The following CNTN1 variants were observed in gnomAD, a reference collection of about 807,000 sequenced individuals.
CNTN1 encodes contactin 1, also known as contactin-1.
CNTN1 carries 38 observed loss-of-function variants against 126.4 expected under a neutral mutation model. That is an observed-to-expected ratio of 0.30 (90% CI 0.23 to 0.39). CNTN1 has a LOEUF of 0.39. CNTN1 is among the 10% of genes least tolerant of loss of function. The probability of loss-of-function intolerance (pLI) is 1.00; values close to 1 mark genes in which losing one functional copy is unlikely to be tolerated. For missense variants in CNTN1, 1,009 were observed against 1,248.4 expected (o/e 0.81, Z 2.89); for synonymous variants, 413 against 422.6 (o/e 0.98, Z 0.28).
chr12:40,931,927 T>C (rs1945900645), intron 7 of CNTN1, among the ~76,000 whole-genome samples: 1 of 151,954 alleles, frequency 6.6e-6, no homozygotes, highest in South Asian at 2.1e-4. Flanking sequence ...AATTTATATT[T>C]ACTGTTTCCT....
At chr12:40,788,895 G>A (rs1178490132) in intron 1 of CNTN1, among the ~76,000 whole-genome samples, 1 of 152,052 alleles carries the variant, frequency 6.6e-6, no homozygotes, top group Admixed American at 6.6e-5. Flanking sequence ...CCGCTACATA[G>A]TAGACACTTT....
At chr12:40,785,929 C>T (rs1465161432) in intron 1 of CNTN1, among the ~76,000 whole-genome samples, 2 of 152,094 alleles carry the variant, frequency 1.3e-5, no homozygotes, top group East Asian at 3.9e-4. Flanking sequence ...ATCACCTTGA[C>T]CTGGCCTCAC....
intron 23 of CNTN1, among the ~76,000 whole-genome samples, chr12:41,064,248 A>G (rs962763011): frequency 2.0e-5 from 3 of 151,670 alleles, no homozygotes; most frequent in Non-Finnish European, 4.4e-5. Context: ...TGGAAGATGC[A>G]GGCATTCAAT....
At chr12:40,727,939 T>C (rs1353953034) in intron 1 of CNTN1, among the ~76,000 whole-genome samples, 1 of 152,186 alleles carries the variant, frequency 6.6e-6, no homozygotes, top group African/African-American at 2.4e-5. Flanking sequence ...CAAATGACCC[T>C]GTAGAGGTGT....
At chr12:40,979,445 A>G (rs141608566) in intron 15 of CNTN1, among the ~76,000 whole-genome samples, 180 of 152,276 alleles carry the variant, frequency 1.2e-3, no homozygotes, top group African/African-American at 4.1e-3. Context: ...ATATAAAGGT[A>G]TATATTTCAG....
chr12:40,773,330 C>T (rs1939420871), intron 1 of CNTN1, among the ~76,000 whole-genome samples: 2 of 151,672 alleles, frequency 1.3e-5, no homozygotes, highest in South Asian at 2.1e-4. Flanking sequence ...ATAGTTAAGT[C>T]GTTTTAGTTT....
chr12:40,805,109 T>C (rs759688126), intron 1 of CNTN1, among the ~76,000 whole-genome samples: 2 of 152,094 alleles, frequency 1.3e-5, no homozygotes, highest in Non-Finnish European at 2.9e-5. Context: ...TTCGTCAGTG[T>C]GACTGTGATG....
At chr12:40,792,965 A>G (rs1940274733) in intron 1 of CNTN1, among the ~76,000 whole-genome samples, 2 of 152,080 alleles carry the variant, frequency 1.3e-5, no homozygotes, top group South Asian at 4.1e-4. Context: ...GGAGATTTGC[A>G]TTTGTAGGGA....
chr12:41,004,870 T>G (rs1948452599), intron 17 of CNTN1, among the ~76,000 whole-genome samples: 1 of 152,242 alleles, frequency 6.6e-6, no homozygotes, highest in African/African-American at 2.4e-5. Flanking sequence ...CCAATGGGTC[T>G]TGGTTCTTTA....
At chr12:40,842,365 G>A (rs905176505) in intron 1 of CNTN1, among the ~76,000 whole-genome samples, 5 of 151,842 alleles carry the variant, frequency 3.3e-5, no homozygotes, top group Admixed American at 6.6e-5. Context: ...AATAATTTAC[G>A]GTATACTTCA....
chr12:40,889,805 A>G (rs1944178540), intron 1 of CNTN1, among the ~76,000 whole-genome samples: 1 of 152,194 alleles, frequency 6.6e-6, no homozygotes, highest in African/African-American at 2.4e-5. Context: ...TGAAGATGTT[A>G]GGGGACAGGT....
At position 40,767,304 on chromosome 12, in the gene CNTN1, C is replaced by CTTTTTTTTTT. The variant is rs10639318; in HGVS notation, c.-77+74725_-77+74734dup. On this transcript the variant is annotated intron_variant, in intron 1 of 23. Coordinates refer to ENST00000551295, the MANE Select transcript of CNTN1 (RefSeq NM_001843.4). ...ATTATCTTATTTCTGCTGACCTTTC[C>CTTTTTTTTTT]TTTTTTTTTTTTTTTTTTTTTTGAG... Among the ~76,000 whole-genome samples the CTTTTTTTTTT allele has an allele frequency of 4.3e-4, 39 of 89,722 alleles. 1 individual carries two copies. Among genetic ancestry groups the CTTTTTTTTTT allele is most frequent in the Admixed American group, 8.1e-4 (5 of 6,158 alleles). 58.9% of individuals were successfully genotyped at this position (89,722 alleles called of 152,430 possible).
chr12:40,821,278 G>A (rs1055403823), intron 1 of CNTN1, among the ~76,000 whole-genome samples: 1 of 152,184 alleles, frequency 6.6e-6, no homozygotes, highest in African/African-American at 2.4e-5. Flanking sequence ...GGTATCCAAA[G>A]CTATTTGGTG....
chr12:40,963,049 T>A (rs1799594228), intron 15 of CNTN1, among the ~76,000 whole-genome samples: 1 of 152,102 alleles, frequency 6.6e-6, no homozygotes, highest in Admixed American at 6.6e-5. Flanking sequence ...GATTATCTAC[T>A]CTGAAATAGG....
At position 40,787,492 on chromosome 12, in the gene CNTN1, T is replaced by A. The variant is rs1314678540; in HGVS notation, c.-77+94900T>A. Among the ~76,000 whole-genome samples the A allele has an allele frequency of 6.6e-5, 10 of 152,162 alleles. 1 individual carries two copies. The highest frequency in any genetic ancestry group is 5.9e-4 in the Admixed American group (9 of 15,262). On this transcript the variant is annotated intron_variant, in intron 1 of 23. Transcript: ENST00000551295. ...TTTTGGATTTTTAATAACTTCTAGT[T>A]CCTCATCACTTGTATTAGAATAAAT...
intron 16 of CNTN1, among the ~76,000 whole-genome samples, chr12:40,991,498 T>C (rs1227450226): frequency 6.6e-6 from 1 of 152,166 alleles, no homozygotes; most frequent in East Asian, 1.9e-4. Flanking sequence ...GCCTGTTTTC[T>C]ATAAGGGGTT....
chr12:41,040,155 C>T (rs1257730904), intron 23 of CNTN1, among the ~76,000 whole-genome samples: 1 of 151,990 alleles, frequency 6.6e-6, no homozygotes, highest in Non-Finnish European at 1.5e-5. Context: ...CAAAGGAAGC[C>T]CAGCTTTTAA....
At position 40,752,336 on chromosome 12, in the gene CNTN1, T is replaced by C. The variant is rs549284590; in HGVS notation, c.-77+59744T>C. ...TCATTGTCCTTTGAATAATACTCTGTTGCTTGAGTAGAATCTCAAGAGACT... is the reference window on the plus strand; with the variant it reads ...TCATTGTCCTTTGAATAATACTCTGCTGCTTGAGTAGAATCTCAAGAGACT... On this transcript the variant is annotated intron_variant, in intron 1 of 23. Transcript: ENST00000551295. Among the ~76,000 whole-genome samples the C allele has an allele frequency of 7.2e-5, 11 of 152,230 alleles. No individual in the cohort carries two copies. In the South Asian group the frequency reaches 1.4e-3, roughly 20 times the overall value.
chr12:40,827,668 T>A (rs796704458), intron 1 of CNTN1, among the ~76,000 whole-genome samples: 1 of 152,204 alleles, frequency 6.6e-6, no homozygotes, highest in Non-Finnish European at 1.5e-5. Context: ...TTCTGCAGTA[T>A]GCAAATGTCA....
Sources: gnomAD v4.1 joint callset for allele counts (sites outside exome capture counted in the v4.1 genomes callset) on GRCh38, gnomAD v4.1.1 for gene constraint, MANE v1.5 for transcripts, NCBI Gene and HGNC (gene_info 2026-07-23, HGNC 2026-07-21) for gene names.